Variants in GMDS observed in about 807,000 individuals in gnomAD.
GMDS encodes the protein GDP-mannose 4,6-dehydratase.
In GMDS, 20 loss-of-function variants were observed where a neutral mutation model predicts 49.9. The observed-to-expected ratio is 0.40, with a 90% CI of 0.28 to 0.58. The LOEUF is 0.58. GMDS is among the 20% of genes least tolerant of loss of function. The pLI is 0.42. For synonymous variants in GMDS, 177 were observed against 178.6 expected (o/e 0.99, Z 0.07); for missense variants, 362 against 481.4 (o/e 0.75, Z 2.32).
intron 7 of GMDS, among the ~76,000 whole-genome samples, chr6:1,796,738 C>T (rs1769748557): frequency 6.6e-6 from 1 of 152,144 alleles, no homozygotes; most frequent in African/African-American, 2.4e-5. Flanking sequence ...CATTCAAATG[C>T]TCACTTTGTT....
At chr6:1,683,345 C>G (rs7771516) in intron 9 of GMDS, among the ~76,000 whole-genome samples, 148,136 of 152,268 alleles carry the variant, frequency 0.97, 72,181 homozygotes, top group East Asian at 1. Flanking sequence ...GGATGGTCTC[C>G]ATCTCCTGAC....
intron 9 of GMDS, among the ~76,000 whole-genome samples, chr6:1,630,609 A>G (rs1762970698): frequency 1.3e-5 from 2 of 152,210 alleles, no homozygotes; most frequent in African/African-American, 4.8e-5. Flanking sequence ...CTGCCTACTC[A>G]TAGGTAGGTG....
chr6:2,140,518 A>G (rs941492311), intron 1 of GMDS, among the ~76,000 whole-genome samples: 1 of 152,144 alleles, frequency 6.6e-6, no homozygotes, highest in Non-Finnish European at 1.5e-5. Context: ...AACCTGCAAC[A>G]TGCAAAGCGA....
intron 9 of GMDS, among the ~76,000 whole-genome samples, chr6:1,683,327 G>T (rs13202650): frequency 6.6e-6 from 1 of 152,122 alleles, no homozygotes. Flanking sequence ...GTTTCACCGT[G>T]TTAGCCAGGA....
intron 7 of GMDS, among the ~76,000 whole-genome samples, chr6:1,915,344 G>T (rs1761322512): frequency 6.6e-6 from 1 of 152,218 alleles, no homozygotes; most frequent in Non-Finnish European, 1.5e-5. Context: ...CAATTCTTCA[G>T]TGAAGTGGCC....
intron 7 of GMDS, among the ~76,000 whole-genome samples, chr6:1,746,372 T>C (rs1767496313): frequency 6.6e-6 from 1 of 152,164 alleles, no homozygotes; most frequent in Non-Finnish European, 1.5e-5. Flanking sequence ...ATGAAAAAAA[T>C]CTCCTGTTTT....
intron 1 of GMDS, among the ~76,000 whole-genome samples, chr6:2,161,485 G>A (rs1159150735): frequency 6.6e-6 from 1 of 152,152 alleles, no homozygotes; most frequent in East Asian, 1.9e-4. Flanking sequence ...ACAAGATTTA[G>A]GAATTATCAG....
intron 6 of GMDS, among the ~76,000 whole-genome samples, chr6:1,941,297 C>A (rs1036347633): frequency 8.6e-5 from 13 of 152,032 alleles, no homozygotes; most frequent in African/African-American, 3.1e-4. Flanking sequence ...CTGAGGCCAG[C>A]TGAGACCACC....
At chr6:2,110,237 AC>A (rs1365700459) in intron 4 of GMDS, among the ~76,000 whole-genome samples, 2 of 64,762 alleles carry the variant, frequency 3.1e-5, no homozygotes, top group African/African-American at 1.2e-4. Flanking sequence ...TTGTTCACCC[AC>A]CCCCCTCCCT....
chr6:1,742,680 C>G, intron 7 of GMDS, 94 bp from the exon 8 acceptor site: 2 of 679,084 alleles, frequency 2.9e-6, no homozygotes, highest in Non-Finnish European at 2.7e-6. Flanking sequence ...ACATCGACAG[C>G]TGGAACATGA....
intron 7 of GMDS, among the ~76,000 whole-genome samples, chr6:1,799,934 G>C (rs1581195774): frequency 6.6e-6 from 1 of 152,116 alleles, no homozygotes; most frequent in East Asian, 1.9e-4. Flanking sequence ...CTCTCCAAGG[G>C]TTAAGATAGT....
At chr6:1,815,969 A>C (rs73409360) in intron 7 of GMDS, among the ~76,000 whole-genome samples, 2,661 of 152,318 alleles carry the variant, frequency 0.017, 88 homozygotes, top group African/African-American at 0.059. Context: ...TTCATCCATG[A>C]CACCAAATCC....
Position 1,635,232 on chromosome 6 carries a change from CT to C in GMDS, c.988-10693del, listed in dbSNP as rs1488685832. Among the ~76,000 whole-genome samples, 1 of 152,192 alleles carries C rather than the reference CT, an allele frequency of 6.6e-6. No individual in the cohort carries two copies. Among genetic ancestry groups the C allele is most frequent in the Non-Finnish European group, 1.5e-5 (1 of 68,040 alleles). ...AAAGCCTCTCTGCTGAGCAAGTCTG[CT>C]TAGCTCTGGGAAAGGGGCTCCGTTT... On this transcript the variant is annotated intron_variant, in intron 9 of 10. Coordinates refer to ENST00000380815, the MANE Select transcript of GMDS (RefSeq NM_001500.4). The surrounding 1 kb of genome is among the most constrained non-coding windows in gnomAD (Gnocchi z 4.7).
chr6:1,970,378 T>C (rs115497383), intron 4 of GMDS, among the ~76,000 whole-genome samples: 3,056 of 152,314 alleles, frequency 0.02, 103 homozygotes, highest in African/African-American at 0.068. Flanking sequence ...AGAGCTGACA[T>C]TGACTTAGCA....
chr6:1,995,650 C>G (rs1766231176), intron 4 of GMDS, among the ~76,000 whole-genome samples: 1 of 152,180 alleles, frequency 6.6e-6, no homozygotes. Flanking sequence ...GTCAAATACT[C>G]TTTCTCCTAA....
At chr6:1,726,097 G>A (rs1766574882) in intron 9 of GMDS, among the ~76,000 whole-genome samples, 1 of 152,260 alleles carries the variant, frequency 6.6e-6, no homozygotes, top group African/African-American at 2.4e-5. Context: ...CAGGCATCCT[G>A]TAGGTTATCA....
At chr6:1,663,650 G>T (rs1349325206) in intron 9 of GMDS, among the ~76,000 whole-genome samples, 1 of 152,126 alleles carries the variant, frequency 6.6e-6, no homozygotes, top group Non-Finnish European at 1.5e-5. Context: ...CTCTGTGCCA[G>T]GAATACTGGC....
At chr6:2,203,711 T>C (rs1259307871) in intron 1 of GMDS, among the ~76,000 whole-genome samples, 1 of 152,112 alleles carries the variant, frequency 6.6e-6, no homozygotes, top group Non-Finnish European at 1.5e-5. Flanking sequence ...CAAAGAAATA[T>C]AAGTAGTTTA....
intron 7 of GMDS, among the ~76,000 whole-genome samples, chr6:1,760,641 AGT>A (rs1768122573): frequency 6.6e-6 from 1 of 152,202 alleles, no homozygotes; most frequent in Non-Finnish European, 1.5e-5. Flanking sequence ...CTGGGAACCT[AGT>A]GTCCTATGCA....
Sources: gnomAD v4.1 joint callset for allele counts (sites outside exome capture counted in the v4.1 genomes callset) on GRCh38, gnomAD v4.1.1 for gene constraint, Gnocchi (gnomAD v3.1) non-coding constraint, MANE v1.5 for transcripts, NCBI Gene and HGNC (gene_info 2026-07-23, HGNC 2026-07-21) for gene names.